Variants in ANKRD11 observed in about 807,000 individuals in gnomAD.
ANKRD11 encodes ankyrin repeat domain 11.
Under a neutral mutation model 195.7 loss-of-function variants are expected in ANKRD11, and 17 were observed. The observed-to-expected ratio is 0.09, with a 90% confidence interval of 0.06 to 0.13. The LOEUF (loss-of-function observed/expected upper bound fraction) is 0.13, where lower values mean the gene tolerates loss of function less well. Ranked by LOEUF, ANKRD11 falls within the 10% of genes least tolerant of loss-of-function variation. The probability of loss-of-function intolerance (pLI) is 1.00; values close to 1 mark genes in which losing one functional copy is unlikely to be tolerated. For missense variants in ANKRD11, 3,735 were observed against 3,566.1 expected (o/e 1.05, Z -1.21); for synonymous variants, 1,953 against 1,528.1 (o/e 1.28, Z -6.49).
rs73253796 is a variant in ANKRD11, at chr16:89,333,694, C to T, written c.-59-16616G>A. Among the ~76,000 whole-genome samples, 615 of 152,280 alleles carry T rather than the reference C, an allele frequency of 4.0e-3. 5 individuals carry two copies. The highest frequency in any genetic ancestry group is 0.014 in the African/African-American group (601 of 41,538). ...TTTTTAGGGCCTTGTAATAGTCTGT[C>T]GTCTGGATGGACCTTGGTTGACTGA... On this transcript the variant is annotated intron_variant, in intron 2 of 12. Transcript: ENST00000301030.
In ANKRD11 at chr16:89,283,506, C is replaced by T; in HGVS notation, c.3036G>A (p.Lys1012=). 6.2e-7 allele frequency: 1 copy of T among 1,613,794 alleles called. No individual in the cohort carries two copies. Among genetic ancestry groups the T allele is most frequent in the South Asian group, 1.1e-5 (1 of 91,030 alleles). ...CCTTCCTTTCCTTATCGGGGCCATCCTTCTTCTCCTTCTCTCGTGCTGGGT... is the reference window on the plus strand; with the variant it reads ...CCTTCCTTTCCTTATCGGGGCCATCTTTCTTCTCCTTCTCTCGTGCTGGGT... ...RHHPAREKEK[K]DGPDKERKEK... Residue 1012 remains lysine, a synonymous_variant, in exon 9 of 13, where the codon AAG becomes AAA. Transcript: ENST00000301030. The surrounding 1 kb of genome is among the most constrained non-coding windows in gnomAD (Gnocchi z 4.3).
chr16:89,289,413 C>CCTGGG lies in ANKRD11; in HGVS notation c.602-748_602-744dup, dbSNP rs370141820. The stretch of plus-strand genomic sequence containing the variant: ...TCCCCTTACACTGTGGACAGACAGT[C>CCTGGG]CTGGGATATGTGGACCACTCATGGT... On this transcript the variant is annotated intron_variant, in intron 6 of 12. Transcript: ENST00000301030. Among the ~76,000 whole-genome samples the CCTGGG allele has an allele frequency of 3.0e-3, 450 of 152,322 alleles. 1 individual carries two copies. The highest frequency in any genetic ancestry group is 0.011 in the African/African-American group (439 of 41,566).
chr16:89,396,910 C>G (rs1193395455), intron 2 of ANKRD11, among the ~76,000 whole-genome samples: 3 of 152,056 alleles, frequency 2.0e-5, no homozygotes, highest in Non-Finnish European at 4.4e-5. Flanking sequence ...TGGTCTCAAA[C>G]TCCTGACCTC....
intron 1 of ANKRD11, chr16:89,459,157 C>A: frequency 5.5e-6 from 1 of 180,218 alleles, no homozygotes; most frequent in South Asian, 1.2e-4. Context: ...AGACAACCTT[C>A]AAGGTTGGGC....
intron 2 of ANKRD11, among the ~76,000 whole-genome samples, chr16:89,375,136 C>A (rs1335418282): frequency 6.6e-6 from 1 of 152,044 alleles, no homozygotes; most frequent in East Asian, 1.9e-4. Flanking sequence ...CAGTGCGGGA[C>A]ATACCACACT....
chr16:89,385,621 C>T (rs1007076676), intron 2 of ANKRD11, among the ~76,000 whole-genome samples: 1 of 152,218 alleles, frequency 6.6e-6, no homozygotes, highest in Non-Finnish European at 1.5e-5. Context: ...ACAACACACT[C>T]ACGATGATGC....
In ANKRD11 at chr16:89,424,404, G is replaced by A. The variant is rs1443511113; in HGVS notation, c.-144-6036C>T. Reference sequence around the variant, plus strand: ...TGCAGCAAGCCAAGATCACACCTCTGCACTCCAGGCTGGGTGACAAGAGCA... The same window carrying A: ...TGCAGCAAGCCAAGATCACACCTCTACACTCCAGGCTGGGTGACAAGAGCA... On this transcript the variant is annotated intron_variant, in intron 1 of 12. Transcript: ENST00000301030. Among the ~76,000 whole-genome samples the A allele has an allele frequency of 5.3e-5, 8 of 151,014 alleles. No individual in the cohort carries two copies. The South Asian group carries it at 1.0e-3, about 20-fold the overall frequency.
chr16:89,356,064 G>A (rs542679804), intron 2 of ANKRD11, among the ~76,000 whole-genome samples: 48 of 152,326 alleles, frequency 3.2e-4, no homozygotes, highest in Non-Finnish European at 6.0e-4. Context: ...CTGGGCACTG[G>A]AGTGAGACTT....
chr16:89,349,134 TA>T (rs59621400), intron 2 of ANKRD11, among the ~76,000 whole-genome samples: 404 of 16,512 alleles, frequency 0.024, 8 homozygotes, highest in African/African-American at 0.11. Flanking sequence ...TCTCAAAAAG[TA>T]AAAAAAAAAA....
chr16:89,424,106 CG>C (rs1294770123), intron 1 of ANKRD11, among the ~76,000 whole-genome samples: 1 of 152,048 alleles, frequency 6.6e-6, no homozygotes, highest in Non-Finnish European at 1.5e-5. Context: ...GTGACTGCCC[CG>C]GGTGTACCTG....
intron 2 of ANKRD11, among the ~76,000 whole-genome samples, chr16:89,411,952 C>T (rs56346025): frequency 7.1e-6 from 1 of 140,226 alleles, no homozygotes; most frequent in Non-Finnish European, 1.6e-5. Flanking sequence ...CCTGGCCGTG[C>T]CCCATCCCTC....
chr16:89,269,284 T>A (rs546976588), intron 12 of ANKRD11, among the ~76,000 whole-genome samples: 1 of 151,904 alleles, frequency 6.6e-6, no homozygotes, highest in African/African-American at 2.4e-5. Flanking sequence ...ACCTCCCGAG[T>A]AGCTGGGACT....
rs1289761842 is a variant in ANKRD11, at chr16:89,285,424, T to C, written c.1118A>G (p.Lys373Arg). 7 of 1,614,020 alleles carry C rather than the reference T, an allele frequency of 4.3e-6. No individual in the cohort carries two copies. The African/African-American group carries it at 8.0e-5, about 18-fold the overall frequency. ...GATAAAACTATTGGATTTCGTTTCT[T>C]TTCTGTAGTCCTTTTTCAATAGGTG... ...DKHLLKKDYR[K>R]ETKSNSFISI... Residue 373 changes from lysine (K) to arginine (R), a missense_variant, in exon 9 of 13, where the codon AAA becomes AGA. Lys to Arg is a conservative substitution (Grantham distance 26). Transcript: ENST00000301030. The surrounding 1 kb of genome is among the most constrained non-coding windows in gnomAD (Gnocchi z 5.6).
At chr16:89,357,771 G>C (rs1002082721) in intron 2 of ANKRD11, among the ~76,000 whole-genome samples, 1 of 152,224 alleles carries the variant, frequency 6.6e-6, no homozygotes, top group African/African-American at 2.4e-5. Flanking sequence ...GGCCCTGAGG[G>C]AGGAGTCTGG....
chr16:89,431,238 GACA>G (rs1159078891), intron 1 of ANKRD11: 3 of 152,418 alleles, frequency 2.0e-5, no homozygotes, highest in Non-Finnish European at 2.9e-5. Context: ...CGACTGGATG[GACA>G]ACATCTTTAC....
At chr16:89,468,305 A>G (rs2056953771) in intron 1 of ANKRD11, among the ~76,000 whole-genome samples, 1 of 152,176 alleles carries the variant, frequency 6.6e-6, no homozygotes, top group African/African-American at 2.4e-5. Context: ...TCTCACCCAC[A>G]CCTGCAACGT....
chr16:89,345,262 C>T (rs1480918366), intron 2 of ANKRD11, among the ~76,000 whole-genome samples: 1 of 148,176 alleles, frequency 6.7e-6, no homozygotes, highest in East Asian at 2.0e-4. Flanking sequence ...CTCCCCACCC[C>T]CCGGCAAAAG....
chr16:89,275,065 G>GC (rs781453809), intron 10 of ANKRD11, 28 bp downstream of exon 10: 9 of 1,611,898 alleles, frequency 5.6e-6, no homozygotes, highest in South Asian at 3.3e-5. Flanking sequence ...TGGCCGTGGC[G>GC]CCCCCCTGCC....
At chr16:89,403,673 TA>T (rs918125361) in intron 2 of ANKRD11, 4 of 152,228 alleles carry the variant, frequency 2.6e-5, no homozygotes, top group African/African-American at 9.7e-5. Context: ...CACGTGCCTT[TA>T]ATCACAGCTA....
Sources: allele counts gnomAD v4.1 joint callset (sites outside exome capture counted in the v4.1 genomes callset), GRCh38; gene constraint gnomAD v4.1.1; non-coding constraint Gnocchi (gnomAD v3.1); transcripts MANE v1.5; gene names NCBI Gene and HGNC (gene_info 2026-07-23, HGNC 2026-07-21).